The following ARHGAP6 variants were observed in gnomAD, a reference collection of about 807,000 sequenced individuals.
The protein encoded by ARHGAP6 is Rho GTPase activating protein 6, also known as rho GTPase-activating protein 6.
In ARHGAP6, 16 loss-of-function variants were observed where a neutral mutation model predicts 55.7. The ratio of observed to expected loss-of-function variants is 0.29; its 90% confidence interval spans 0.19 to 0.44. ARHGAP6 has a LOEUF of 0.44. Ranked by LOEUF, ARHGAP6 falls within the 20% of genes least tolerant of loss-of-function variation. The pLI, the probability that ARHGAP6 is intolerant of heterozygous loss-of-function variation, is 1.00. For missense variants in ARHGAP6, 698 were observed against 808.9 expected (o/e 0.86, Z 1.66); for synonymous variants, 382 against 360.9 (o/e 1.06, Z -0.66).
At chrX:11,569,601 T>C (rs1439428004) in intron 1 of ARHGAP6, among the ~76,000 whole-genome samples, 1 of 112,152 alleles carries the variant, frequency 8.9e-6, no homozygotes, top group Non-Finnish European at 1.9e-5. Flanking sequence ...TTTCCATCGC[T>C]GACTTCTACA....
intron 1 of ARHGAP6, among the ~76,000 whole-genome samples, chrX:11,627,762 G>A (rs189264406): frequency 2.5e-4 from 28 of 111,762 alleles, no homozygotes; most frequent in African/African-American, 9.1e-4. Context: ...ATTAATGAGA[G>A]ATAAAATGCA....
chrX:11,475,126 C>T (rs778840464), intron 1 of ARHGAP6, among the ~76,000 whole-genome samples: 2 of 111,766 alleles, frequency 1.8e-5, no homozygotes, highest in East Asian at 5.6e-4. Context: ...ATTCAATATT[C>T]TGCAGTATTA....
chrX:11,191,422 T>C (rs2046460074), intron 3 of ARHGAP6, among the ~76,000 whole-genome samples: 1 of 112,171 alleles, frequency 8.9e-6, no homozygotes, highest in African/African-American at 3.2e-5. Flanking sequence ...TAGTAAAGCT[T>C]TATTTACAAA....
intron 1 of ARHGAP6, among the ~76,000 whole-genome samples, chrX:11,385,363 T>C (rs1271978984): frequency 8.9e-6 from 1 of 111,915 alleles, no homozygotes; most frequent in African/African-American, 3.2e-5. Flanking sequence ...ATGATAGCTC[T>C]AGCATTAACA....
chrX:11,139,513 A>G lies in ARHGAP6; in HGVS notation c.2275T>C (p.Phe759Leu). ...CCCGCTCTTAGGGAGCTGCTTTCAAAAATGTCTCCAGAGGAACCTGGAAGC... is the reference window on the plus strand; with the variant it reads ...CCCGCTCTTAGGGAGCTGCTTTCAAGAATGTCTCCAGAGGAACCTGGAAGC... ...PGMTGSSGDI[F>L]ESSSLRAGPC... The change falls in exon 13 of 13, where the codon TTT becomes CTT. Residue 759 changes from phenylalanine to leucine, a missense_variant. Physicochemically the swap from Phe to Leu is conservative, Grantham distance 22. This residue lies in a region of ARHGAP6 where 212 missense variants were observed against 208.7 expected (regional missense o/e 1.02). Transcript: ENST00000337414. The G allele has an allele frequency of 1.8e-6, 2 of 1,140,820 alleles. No individual in the cohort carries two copies. The highest frequency in any genetic ancestry group is 2.3e-6 in the Non-Finnish European group (2 of 863,755). The allele number at this position is 1,140,820 out of a possible 1,213,427, so 94.0% of individuals were successfully genotyped here. A position where few individuals can be genotyped will look rare whatever the true frequency, so the allele number is the denominator to read the frequency against.
At chrX:11,442,558 G>GA (rs917939976) in intron 1 of ARHGAP6, among the ~76,000 whole-genome samples, 2 of 111,597 alleles carry the variant, frequency 1.8e-5, no homozygotes, top group Non-Finnish European at 3.8e-5. Flanking sequence ...AGAAACGGGG[G>GA]AAAAAATCCT....
intron 2 of ARHGAP6, among the ~76,000 whole-genome samples, chrX:11,253,903 CAAA>C (rs375631926): frequency 1.5e-5 from 1 of 66,325 alleles, no homozygotes; most frequent in Admixed American, 1.8e-4. Context: ...GACTCCATCT[CAAA>C]AAAAAAAAAA....
At chrX:11,163,749 T>C (rs750212293) in intron 9 of ARHGAP6, among the ~76,000 whole-genome samples, 4 of 111,981 alleles carry the variant, frequency 3.6e-5, no homozygotes, top group Non-Finnish European at 7.5e-5. Context: ...TGCATTAAAT[T>C]CGGCAAATAT....
intron 1 of ARHGAP6, among the ~76,000 whole-genome samples, chrX:11,631,323 A>G (rs1279246455): frequency 1.8e-5 from 2 of 110,560 alleles, no homozygotes; most frequent in Non-Finnish European, 3.8e-5. Context: ...TCTGGAGTTC[A>G]AGACCAGCCT....
intron 2 of ARHGAP6, among the ~76,000 whole-genome samples, chrX:11,218,882 T>G (rs761603778): frequency 9.1e-6 from 1 of 110,197 alleles, no homozygotes; most frequent in African/African-American, 3.3e-5. Flanking sequence ...GCTAGCAGTC[T>G]ATTTTGTTTT....
intron 1 of ARHGAP6, among the ~76,000 whole-genome samples, chrX:11,578,214 C>T (rs1400499983): frequency 9.0e-6 from 1 of 111,443 alleles, no homozygotes; most frequent in African/African-American, 3.3e-5. Context: ...CATCCCCCAC[C>T]CTCTATACTC....
chrX:11,502,290 G>C (rs1048233394), intron 1 of ARHGAP6, among the ~76,000 whole-genome samples: 11 of 112,249 alleles, frequency 9.8e-5, no homozygotes, highest in Non-Finnish European at 1.9e-4. Context: ...TTAATCTATG[G>C]AGTTACAAGT....
intron 1 of ARHGAP6, among the ~76,000 whole-genome samples, chrX:11,379,005 G>A (rs1386521990): frequency 1.8e-5 from 2 of 112,402 alleles, no homozygotes; most frequent in Non-Finnish European, 3.7e-5. Context: ...AGCTATTGCT[G>A]TGTAATAACC....
chrX:11,412,150 C>A (rs1048620576), intron 1 of ARHGAP6, among the ~76,000 whole-genome samples: 8 of 111,830 alleles, frequency 7.2e-5, no homozygotes, highest in Non-Finnish European at 1.3e-4. Context: ...AAAGTTGCCA[C>A]AAATGCTATG....
intron 1 of ARHGAP6, among the ~76,000 whole-genome samples, chrX:11,264,808 C>T (rs769748704): frequency 8.9e-6 from 1 of 112,150 alleles, no homozygotes; most frequent in South Asian, 3.8e-4. Flanking sequence ...CCGCTCTCTG[C>T]TAGTTACTGT....
chrX:11,589,660 C>T (rs2051781270), intron 1 of ARHGAP6, among the ~76,000 whole-genome samples: 1 of 110,796 alleles, frequency 9.0e-6, no homozygotes, highest in Non-Finnish European at 1.9e-5. Context: ...TGAGTCCAAA[C>T]AAAATTATCT....
chrX:11,404,828 G>A (rs2049591864), intron 1 of ARHGAP6, among the ~76,000 whole-genome samples: 1 of 112,061 alleles, frequency 8.9e-6, no homozygotes, highest in African/African-American at 3.2e-5. Context: ...GGATAGCTCA[G>A]GGTTAACATT....
intron 1 of ARHGAP6, among the ~76,000 whole-genome samples, chrX:11,595,294 G>GAAAAA (rs200780665): frequency 1.6e-5 from 1 of 63,622 alleles, no homozygotes. Flanking sequence ...TGTCTCAAGA[G>GAAAAA]AAAAAAAAAA....
At chrX:11,266,060 TGTGTGTGTGTGTGA>T (rs1319685653) in intron 1 of ARHGAP6, 10 of 422,079 alleles carry the variant, frequency 2.4e-5, no homozygotes, top group African/African-American at 1.8e-4. Context: ...TGTGTGTGTG[TGTGTGTGTGTGTGA>T]GAGAGAGAGA....
Sources: allele counts gnomAD v4.1 joint callset (sites outside exome capture counted in the v4.1 genomes callset), GRCh38; gene constraint gnomAD v4.1.1; regional missense constraint gnomAD v4.1.1; transcripts MANE v1.5; gene names NCBI Gene and HGNC (gene_info 2026-07-23, HGNC 2026-07-21).